The following ORC5 variants were observed in gnomAD, a reference collection of about 807,000 sequenced individuals.
The protein encoded by ORC5 is protein phosphatase 1, regulatory subunit 117.
In ORC5, 39 loss-of-function variants were observed where a neutral mutation model predicts 58.8. The observed-to-expected ratio is 0.66, with a 90% CI of 0.51 to 0.87. The LOEUF (loss-of-function observed/expected upper bound fraction) is 0.87. ORC5 is among the 40% of genes least tolerant of loss of function. The pLI is 0.00. For missense variants in ORC5, 493 were observed against 506.3 expected (o/e 0.97, Z 0.25); for synonymous variants, 218 against 177.6 (o/e 1.23, Z -1.81).
intron 11 of ORC5, among the ~76,000 whole-genome samples, chr7:104,162,736 C>A (rs1290091052): frequency 1.3e-5 from 2 of 152,126 alleles, no homozygotes; most frequent in Admixed American, 1.3e-4. Context: ...ATATACTGTG[C>A]AATAAGTGCA....
intron 11 of ORC5, among the ~76,000 whole-genome samples, chr7:104,163,899 C>T (rs143685550): frequency 2.6e-4 from 39 of 152,302 alleles, no homozygotes; most frequent in African/African-American, 8.2e-4. Context: ...GGCAGACTCT[C>T]GCTCTTCTAC....
intron 13 of ORC5, among the ~76,000 whole-genome samples, chr7:104,127,245 A>G (rs1798443518): frequency 6.6e-6 from 1 of 152,242 alleles, no homozygotes; most frequent in Non-Finnish European, 1.5e-5. Context: ...GAGATTCAAA[A>G]GTATTTAAAT....
chr7:104,177,909 T>C (rs1030001034), intron 8 of ORC5, among the ~76,000 whole-genome samples: 1 of 152,246 alleles, frequency 6.6e-6, no homozygotes, highest in Non-Finnish European at 1.5e-5. Context: ...ACTCATCCTT[T>C]TCATGGCTGC....
At chr7:104,155,070 A>T (rs1798901469) in intron 12 of ORC5, among the ~76,000 whole-genome samples, 1 of 151,840 alleles carries the variant, frequency 6.6e-6, no homozygotes, top group Admixed American at 6.6e-5. Context: ...TACATATCTT[A>T]TAAAACAACA....
intron 12 of ORC5, among the ~76,000 whole-genome samples, chr7:104,137,182 A>T (rs201151966): frequency 6.8e-6 from 1 of 147,192 alleles, no homozygotes; most frequent in African/African-American, 2.5e-5. Flanking sequence ...AGTTCACTGG[A>T]GTTTCAAATT....
chr7:104,183,401 C>T (rs575554548), intron 8 of ORC5, among the ~76,000 whole-genome samples: 1 of 152,194 alleles, frequency 6.6e-6, no homozygotes, highest in East Asian at 1.9e-4. Context: ...AATCTAACTA[C>T]AGGATGACTG....
At chr7:104,197,686 T>C (rs1202909757) in intron 4 of ORC5, 39 bp downstream of exon 4, 1 of 1,346,790 alleles carries the variant, frequency 7.4e-7, no homozygotes, top group Admixed American at 1.9e-5. Context: ...AATCCATTGA[T>C]TAAGTTGTGG....
chr7:104,134,416 CAAAAAAAAA>C (rs1170848776), intron 13 of ORC5, among the ~76,000 whole-genome samples: 1 of 51,804 alleles, frequency 1.9e-5, no homozygotes, highest in Non-Finnish European at 3.6e-5. Flanking sequence ...CACTCCATCT[CAAAAAAAAA>C]AAAAAAAAAA....
At position 104,200,810 on chromosome 7, in the gene ORC5, A is replaced by T. The variant is rs761646748; in HGVS notation, c.314T>A (p.Leu105Ter). The change falls in exon 3 of 14, where the codon TTG (leucine) becomes TAG (stop). Residue 105 changes from leucine to a stop codon, truncating the protein, a stop_gained. Transcript: ENST00000297431. LOFTEE classifies it high-confidence loss of function. ...TCETFNDFVR[L>*]FKQVTTAENL... ...TTCAGCTGTGGTTACTTGTTTAAAC[A>T]AGCGAACAAAGTCATTAAATGTTTC... 6 of 1,612,698 alleles carry T rather than the reference A, an allele frequency of 3.7e-6. No homozygotes were observed. The highest frequency in any genetic ancestry group is 5.1e-6 in the Non-Finnish European group (6 of 1,178,912).
chr7:104,169,977 T>C (rs1799182104), intron 8 of ORC5, among the ~76,000 whole-genome samples: 2 of 152,204 alleles, frequency 1.3e-5, no homozygotes, highest in South Asian at 4.1e-4. Context: ...CTTTTTCACA[T>C]CAAGGTCGTC....
chr7:104,160,116 A>C (rs1010292026), intron 12 of ORC5, among the ~76,000 whole-genome samples: 3 of 152,234 alleles, frequency 2.0e-5, no homozygotes, highest in Non-Finnish European at 4.4e-5. Flanking sequence ...TCAAGAACAC[A>C]ATAAATGTAG....
At chr7:104,197,504 T>A (rs534467549) in intron 4 of ORC5, among the ~76,000 whole-genome samples, 151 of 152,304 alleles carry the variant, frequency 9.9e-4, no homozygotes, top group African/African-American at 3.4e-3. Flanking sequence ...AGTGACTTCA[T>A]AATTACAGAG....
chr7:104,128,059 T>G (rs1488928179), intron 13 of ORC5, among the ~76,000 whole-genome samples: 1 of 152,230 alleles, frequency 6.6e-6, no homozygotes, highest in East Asian at 1.9e-4. Flanking sequence ...ATTTTATATG[T>G]TTTTCTTTCG....
chr7:104,175,715 T>G (rs1322836347), intron 8 of ORC5, among the ~76,000 whole-genome samples: 2 of 152,178 alleles, frequency 1.3e-5, no homozygotes, highest in Non-Finnish European at 2.9e-5. Flanking sequence ...TTGTCTGCCA[T>G]GCAGGGACTA....
intron 2 of ORC5, 25 bp downstream of exon 2, chr7:104,204,117 A>G (rs1198694508): frequency 7.5e-7 from 1 of 1,327,972 alleles, no homozygotes. Context: ...AATGGCAAAG[A>G]AATATTTAAT....
chr7:104,179,210 A>C (rs1400167681), intron 8 of ORC5, among the ~76,000 whole-genome samples: 1 of 151,864 alleles, frequency 6.6e-6, no homozygotes, highest in African/African-American at 2.4e-5. Flanking sequence ...TGGCCTCCCA[A>C]AGTGCTGGAA....
At chr7:104,157,071 C>G (rs17159582) in intron 12 of ORC5, among the ~76,000 whole-genome samples, 4,325 of 151,782 alleles carry the variant, frequency 0.028, 185 homozygotes, top group African/African-American at 0.099. Context: ...CTGCCATTCC[C>G]ATGGTTAAGA....
chr7:104,165,282 G>A lies in ORC5; in HGVS notation c.991C>T (p.His331Tyr). ...ARTDKRFFLK[H>Y]HGKIKKTNFL... ...TTGGTTTTCTTGATTTTTCCATGATGCTGCAATTAAGGAAAACAAATTTTA... is the reference window on the plus strand; with the variant it reads ...TTGGTTTTCTTGATTTTTCCATGATACTGCAATTAAGGAAAACAAATTTTA... The change falls in exon 11 of 14, where the codon CAT becomes TAT. Residue 331 changes from histidine (H) to tyrosine (Y), a missense_variant and splice_region_variant. Transcript: ENST00000297431. The A allele has an allele frequency of 6.6e-7, 1 of 1,524,532 alleles. No homozygotes were observed. Among genetic ancestry groups the A allele is most frequent in the Non-Finnish European group, 9.0e-7 (1 of 1,113,722 alleles). The allele number at this position is 1,524,532 out of a possible 1,614,324, so 94.4% of individuals were successfully genotyped here.
intron 12 of ORC5, among the ~76,000 whole-genome samples, chr7:104,154,789 G>T (rs183530846): frequency 1.3e-5 from 2 of 151,676 alleles, no homozygotes; most frequent in African/African-American, 4.8e-5. Flanking sequence ...AATTAACAAC[G>T]TCTCCTCTTT....
Sources: allele counts gnomAD v4.1 joint callset (sites outside exome capture counted in the v4.1 genomes callset), GRCh38; gene constraint gnomAD v4.1.1; transcripts MANE v1.5; gene names NCBI Gene and HGNC (gene_info 2026-07-23, HGNC 2026-07-21).